SPATA17: variants seen among roughly 807,000 people sequenced by gnomAD.
SPATA17 encodes spermatogenesis-associated protein 17.
A neutral mutation model predicts 62.2 loss-of-function variants in SPATA17; 53 were observed. The ratio of observed to expected loss-of-function variants is 0.85; its 90% confidence interval spans 0.68 to 1.07. SPATA17 has a LOEUF of 1.07. SPATA17 is among the 50% of genes least tolerant of loss of function. The pLI is 0.00. For missense variants in SPATA17, 466 were observed against 425.5 expected, an observed-to-expected ratio of 1.10 and a Z score of -0.84; for synonymous variants, 146 against 146.8, an observed-to-expected ratio of 0.99 and a Z score of 0.04.
chr1:217,811,450 T>C (rs1674584986), intron 9 of SPATA17, among the ~76,000 whole-genome samples: 1 of 152,158 alleles, frequency 6.6e-6, no homozygotes, highest in Admixed American at 6.6e-5. Context: ...CTTTCTTTTT[T>C]TTCTTCCTCC....
At chr1:217,709,355 C>G (rs981189918) in intron 5 of SPATA17, among the ~76,000 whole-genome samples, 2 of 152,196 alleles carry the variant, frequency 1.3e-5, no homozygotes, top group Admixed American at 1.3e-4. Flanking sequence ...GCCAGGGCTG[C>G]TGCCTCATGT....
chr1:217,793,522 A>G (rs754472095), intron 8 of SPATA17, among the ~76,000 whole-genome samples: 2 of 151,990 alleles, frequency 1.3e-5, no homozygotes, highest in Non-Finnish European at 2.9e-5. Context: ...GCCCGGCAGG[A>G]CAGTTTTAGT....
chr1:217,791,842 A>G (rs1316321597), intron 8 of SPATA17, among the ~76,000 whole-genome samples: 4 of 152,188 alleles, frequency 2.6e-5, no homozygotes, highest in Admixed American at 1.3e-4. Context: ...CAATGGGGTC[A>G]GAGGCCAGAG....
intron 6 of SPATA17, among the ~76,000 whole-genome samples, chr1:217,748,880 G>A (rs540364416): frequency 6.6e-6 from 1 of 152,220 alleles, no homozygotes; most frequent in Admixed American, 6.5e-5. Flanking sequence ...ATTTTGAGAT[G>A]ATGAAGTCCT....
intron 5 of SPATA17, among the ~76,000 whole-genome samples, chr1:217,724,299 T>C (rs1488392292): frequency 6.6e-6 from 1 of 152,310 alleles, no homozygotes; most frequent in Non-Finnish European, 1.5e-5. Context: ...AAACATATCT[T>C]ATATTTTAAA....
At chr1:217,641,752 A>G (rs1388673339) in intron 1 of SPATA17, among the ~76,000 whole-genome samples, 2 of 152,138 alleles carry the variant, frequency 1.3e-5, no homozygotes, top group Admixed American at 6.5e-5. Context: ...TTGTGCCCCA[A>G]ATTCTTTACA....
intron 6 of SPATA17, among the ~76,000 whole-genome samples, chr1:217,749,792 A>C (rs540448886): frequency 4.1e-4 from 62 of 151,542 alleles, no homozygotes; most frequent in Non-Finnish European, 8.0e-4. Flanking sequence ...CCTGTTATCC[A>C]TAGGATAAAA....
At chr1:217,857,112 A>T (rs1675803866) in intron 9 of SPATA17, among the ~76,000 whole-genome samples, 1 of 152,102 alleles carries the variant, frequency 6.6e-6, no homozygotes, top group Admixed American at 6.6e-5. Context: ...ATAACCCTTG[A>T]TTTTCATCTT....
In SPATA17 at chr1:217,745,223, G is replaced by C. The variant is rs541084987; in HGVS notation, c.519+3125G>C. Among the ~76,000 whole-genome samples, 32 of 152,228 alleles carry C rather than the reference G, an allele frequency of 2.1e-4. 2 individuals carry two copies. Among genetic ancestry groups the C allele is most frequent in the Middle Eastern group, 3.4e-3 (1 of 294 alleles). On this transcript the variant is annotated intron_variant, in intron 6 of 10. Transcript: ENST00000366933. ...CAAAAATATCAGGGATTTTAATTTGGACCTGGCTGGTTGGTAAACTTCATC... is the reference window on the plus strand; with the variant it reads ...CAAAAATATCAGGGATTTTAATTTGCACCTGGCTGGTTGGTAAACTTCATC...
At chr1:217,687,924 G>C (rs1671255269) in intron 5 of SPATA17, among the ~76,000 whole-genome samples, 1 of 151,980 alleles carries the variant, frequency 6.6e-6, no homozygotes, top group African/African-American at 2.4e-5. Flanking sequence ...CTCTCATCTT[G>C]CTTTATGTTT....
chr1:217,782,812 T>A (rs1404860172), intron 8 of SPATA17, among the ~76,000 whole-genome samples: 1 of 83,618 alleles, frequency 1.2e-5, no homozygotes. Flanking sequence ...TAATAGCATA[T>A]GTAATTTTAA....
chr1:217,798,914 C>T (rs551328179), intron 8 of SPATA17, among the ~76,000 whole-genome samples: 49 of 148,120 alleles, frequency 3.3e-4, no homozygotes, highest in African/African-American at 1.2e-3. Context: ...CTCACTCTGT[C>T]GCCTAGGCTG....
chr1:217,865,797 C>T (rs1675999226), intron 10 of SPATA17, among the ~76,000 whole-genome samples: 1 of 152,144 alleles, frequency 6.6e-6, no homozygotes, highest in African/African-American at 2.4e-5. Context: ...TACAGGCTTC[C>T]CAACTTCCTC....
intron 6 of SPATA17, among the ~76,000 whole-genome samples, chr1:217,751,107 G>A (rs1672895039): frequency 6.6e-6 from 1 of 152,058 alleles, no homozygotes; most frequent in African/African-American, 2.4e-5. Context: ...CTCTGAAATG[G>A]GTTAGTACTT....
chr1:217,850,328 A>C, intron 9 of SPATA17: 1 of 519,520 alleles, frequency 1.9e-6, no homozygotes, highest in Non-Finnish European at 3.3e-6. Flanking sequence ...TAATTTCTAA[A>C]CTTAAGTGGG....
At chr1:217,721,839 C>A (rs1458377742) in intron 5 of SPATA17, among the ~76,000 whole-genome samples, 1 of 152,188 alleles carries the variant, frequency 6.6e-6, no homozygotes, top group Admixed American at 6.5e-5. Flanking sequence ...ATGATATTCT[C>A]CCAGCAACCC....
chr1:217,845,688 G>A (rs1046978021), intron 9 of SPATA17, among the ~76,000 whole-genome samples: 2 of 152,046 alleles, frequency 1.3e-5, no homozygotes, highest in Non-Finnish European at 2.9e-5. Context: ...TTTAACGCTC[G>A]TGGTGGGGTC....
intron 8 of SPATA17, among the ~76,000 whole-genome samples, chr1:217,790,642 G>T (rs7545859): frequency 0.011 from 1,636 of 151,680 alleles, 20 homozygotes; most frequent in African/African-American, 0.038. Context: ...GGGTTTCACC[G>T]TGGTCTCAAT....
chr1:217,717,074 A>T (rs1672020928), intron 5 of SPATA17, among the ~76,000 whole-genome samples: 1 of 152,196 alleles, frequency 6.6e-6, no homozygotes, highest in Admixed American at 6.5e-5. Flanking sequence ...TATTGGTCAT[A>T]TTTCAGTTGA....
Sources: allele counts gnomAD v4.1 joint callset (sites outside exome capture counted in the v4.1 genomes callset), GRCh38; gene constraint gnomAD v4.1.1; transcripts MANE v1.5; gene names NCBI Gene and HGNC (gene_info 2026-07-23, HGNC 2026-07-21).